AGBL4: variants seen among roughly 807,000 people sequenced by gnomAD.
AGBL4 encodes cytosolic carboxypeptidase 6.
A neutral mutation model predicts 66.4 loss-of-function variants in AGBL4; 58 were observed. That is an observed-to-expected ratio of 0.87 (90% confidence interval 0.71 to 1.09). AGBL4 has a LOEUF of 1.09. AGBL4 is among the 50% of genes least tolerant of loss of function. AGBL4 has a pLI of 0.00. For missense variants in AGBL4, 579 were observed against 631.0 expected, an observed-to-expected ratio of 0.92 and a Z score of 0.88; for synonymous variants, 234 against 222.9, an observed-to-expected ratio of 1.05 and a Z score of -0.44.
intron 1 of AGBL4, among the ~76,000 whole-genome samples, chr1:49,922,452 C>A (rs1318733996): frequency 6.6e-6 from 1 of 152,108 alleles, no homozygotes; most frequent in Non-Finnish European, 1.5e-5. Flanking sequence ...AAGTCCTCGC[C>A]AGGGCAATCG....
At chr1:49,996,186 C>T (rs1203025872) in intron 1 of AGBL4, 2 of 152,086 alleles carry the variant, frequency 1.3e-5, no homozygotes, top group East Asian at 1.9e-4. Context: ...ATCACATTAG[C>T]TTACCAGCAA....
chr1:48,980,499 G>A (rs960058266), intron 5 of AGBL4, among the ~76,000 whole-genome samples: 9 of 151,768 alleles, frequency 5.9e-5, no homozygotes, highest in African/African-American at 2.2e-4. Context: ...CAGAAACTTA[G>A]AACTTCAAAA....
At chr1:49,019,311 C>T (rs1277619222) in intron 5 of AGBL4, among the ~76,000 whole-genome samples, 2 of 152,106 alleles carry the variant, frequency 1.3e-5, no homozygotes, top group Non-Finnish European at 2.9e-5. Flanking sequence ...CACCTCCCTG[C>T]TCCTCTCATC....
chr1:49,696,765 C>T (rs1173012507), intron 3 of AGBL4, among the ~76,000 whole-genome samples: 2 of 152,072 alleles, frequency 1.3e-5, no homozygotes, highest in African/African-American at 4.8e-5. Flanking sequence ...TACACAGAAG[C>T]ACAAGCAAAA....
At chr1:49,650,803 T>G (rs1461131326) in intron 3 of AGBL4, among the ~76,000 whole-genome samples, 1 of 152,138 alleles carries the variant, frequency 6.6e-6, no homozygotes, top group Non-Finnish European at 1.5e-5. Context: ...AAGCGGGTGG[T>G]ACTAGTGGCC....
At chr1:49,869,011 GATC>G (rs1192983609) in intron 1 of AGBL4, among the ~76,000 whole-genome samples, 1 of 152,144 alleles carries the variant, frequency 6.6e-6, no homozygotes, top group East Asian at 1.9e-4. Flanking sequence ...GCTCATCACT[GATC>G]ATTAGAGAAA....
chr1:49,246,633 T>C (rs1017676887), intron 3 of AGBL4, among the ~76,000 whole-genome samples: 7 of 151,836 alleles, frequency 4.6e-5, no homozygotes, highest in Admixed American at 4.6e-4. Flanking sequence ...GAGGATAGTA[T>C]AATTTTAAAA....
chr1:49,935,683 A>C (rs1653919379), intron 1 of AGBL4, among the ~76,000 whole-genome samples: 2 of 152,068 alleles, frequency 1.3e-5, no homozygotes, highest in African/African-American at 4.8e-5. Flanking sequence ...GTTCATGAAA[A>C]TCCGCTGTTC....
At chr1:49,869,639 T>C (rs536676576) in intron 1 of AGBL4, among the ~76,000 whole-genome samples, 1 of 152,240 alleles carries the variant, frequency 6.6e-6, no homozygotes, top group South Asian at 2.1e-4. Flanking sequence ...AAATAGCTAA[T>C]GCATGCTGGG....
chr1:49,065,249 C>A (rs918587525), intron 4 of AGBL4, among the ~76,000 whole-genome samples: 1 of 152,120 alleles, frequency 6.6e-6, no homozygotes, highest in African/African-American at 2.4e-5. Flanking sequence ...ACTCTCCTGC[C>A]TCTATGGACA....
chr1:49,552,265 C>G (rs898190623), intron 3 of AGBL4, among the ~76,000 whole-genome samples: 1 of 152,166 alleles, frequency 6.6e-6, no homozygotes, highest in African/African-American at 2.4e-5. Context: ...GTTCTTCCCC[C>G]GCCTGTGGAG....
At chr1:49,521,050 C>T (rs1369566451) in intron 3 of AGBL4, among the ~76,000 whole-genome samples, 3 of 151,968 alleles carry the variant, frequency 2.0e-5, no homozygotes, top group Admixed American at 2.0e-4. Context: ...TTCATATGAT[C>T]CACCCACCTT....
At chr1:49,439,810 G>A (rs745891665) in intron 3 of AGBL4, among the ~76,000 whole-genome samples, 8 of 152,082 alleles carry the variant, frequency 5.3e-5, no homozygotes, top group Admixed American at 2.6e-4. Flanking sequence ...CTGAGACTTC[G>A]ACTGGCTTTC....
intron 6 of AGBL4, among the ~76,000 whole-genome samples, chr1:48,847,129 C>T (rs541893634): frequency 4.0e-5 from 6 of 151,888 alleles, no homozygotes; most frequent in East Asian, 1.9e-4. Flanking sequence ...GGAGAAACCC[C>T]GTCTCTACTA....
intron 3 of AGBL4, among the ~76,000 whole-genome samples, chr1:49,620,774 T>C (rs989659522): frequency 3.9e-5 from 6 of 152,154 alleles, no homozygotes; most frequent in African/African-American, 1.4e-4. Context: ...CAGGTCAATA[T>C]TAGGTCCCTT....
chr1:49,551,854 C>T (rs1571010974), intron 3 of AGBL4, among the ~76,000 whole-genome samples: 1 of 152,192 alleles, frequency 6.6e-6, no homozygotes, highest in East Asian at 1.9e-4. Context: ...GGCCCCAGAA[C>T]TCCCAAGATT....
At chr1:49,695,479 T>C (rs1476472171) in intron 3 of AGBL4, among the ~76,000 whole-genome samples, 1 of 152,102 alleles carries the variant, frequency 6.6e-6, no homozygotes, top group Non-Finnish European at 1.5e-5. Flanking sequence ...TTATTGATTG[T>C]CTTAGTGGAA....
At chr1:48,683,081 C>T (rs985506644) in intron 6 of AGBL4, among the ~76,000 whole-genome samples, 8 of 152,190 alleles carry the variant, frequency 5.3e-5, no homozygotes, top group African/African-American at 1.9e-4. Flanking sequence ...CATAGCTCTG[C>T]CATTTCTGTG....
chr1:49,237,999 G>C (rs978272939), intron 4 of AGBL4, among the ~76,000 whole-genome samples: 4 of 151,892 alleles, frequency 2.6e-5, no homozygotes, highest in Admixed American at 6.6e-5. Context: ...TGTTCTTTTA[G>C]CATTTGAAAA....
Sources: allele counts gnomAD v4.1 joint callset (sites outside exome capture counted in the v4.1 genomes callset), GRCh38; gene constraint gnomAD v4.1.1; transcripts MANE v1.5; gene names NCBI Gene and HGNC (gene_info 2026-07-23, HGNC 2026-07-21).